Variants in GPC3 observed in about 807,000 individuals in gnomAD.
The protein encoded by GPC3 is glypican-3.
A neutral mutation model predicts 34.4 loss-of-function variants in GPC3; 3 were observed. That is an observed-to-expected ratio of 0.09 (90% CI 0.04 to 0.23). The LOEUF is 0.23. Ranked by LOEUF, GPC3 falls within the 10% of genes least tolerant of loss-of-function variation. GPC3 has a pLI of 1.00. For missense variants in GPC3, 351 were observed against 445.6 expected, an observed-to-expected ratio of 0.79 and a Z score of 1.91; for synonymous variants, 177 against 174.0, an observed-to-expected ratio of 1.02 and a Z score of -0.13.
Position 133,689,714 on chromosome X carries a change from GTGAA to G in GPC3, c.1292+2651_1292+2654del, listed in dbSNP as rs1239924255. Among the ~76,000 whole-genome samples the G allele has an allele frequency of 2.7e-5, 3 of 112,035 alleles. No individual in the cohort carries two copies. The East Asian group carries it at 8.3e-4, about 31-fold the overall frequency. ...CTCAAATATTTGTTAGAATGAATAC[GTGAA>G]TGAATGAACACATCAGTAAATAAAT... On this transcript the variant is annotated intron_variant, in intron 5 of 7. Coordinates refer to ENST00000370818, the MANE Select transcript of GPC3 (RefSeq NM_004484.4).
chrX:133,731,682 C>T (rs1045817140), intron 3 of GPC3, among the ~76,000 whole-genome samples: 6 of 112,227 alleles, frequency 5.3e-5, no homozygotes, highest in Non-Finnish European at 1.1e-4. Flanking sequence ...CACTTGATTA[C>T]TTTGCCATAT....
chrX:133,892,843 C>T (rs1372298296), intron 2 of GPC3, among the ~76,000 whole-genome samples: 1 of 111,355 alleles, frequency 9.0e-6, no homozygotes, highest in Non-Finnish European at 1.9e-5. Context: ...TAAGTAAAAG[C>T]CACAATCATA....
intron 2 of GPC3, among the ~76,000 whole-genome samples, chrX:133,814,663 G>C (rs2075681195): frequency 9.0e-6 from 1 of 110,648 alleles, no homozygotes; most frequent in South Asian, 3.9e-4. Flanking sequence ...CGCCTCCCAG[G>C]ACCAAGTGAT....
intron 7 of GPC3, among the ~76,000 whole-genome samples, chrX:133,562,319 A>G (rs911784498): frequency 9.0e-6 from 1 of 111,095 alleles, no homozygotes; most frequent in African/African-American, 3.3e-5. Flanking sequence ...TTTCCTGCTG[A>G]TTTTTCCCAA....
intron 2 of GPC3, among the ~76,000 whole-genome samples, chrX:133,857,591 C>T (rs1012128610): frequency 4.5e-4 from 50 of 111,421 alleles, no homozygotes; most frequent in African/African-American, 1.6e-3. Context: ...CTTTCTGGGC[C>T]CATTTCCTCA....
intron 5 of GPC3, among the ~76,000 whole-genome samples, chrX:133,672,950 GTTTGTT>G (rs751537076): frequency 1.1e-5 from 1 of 92,800 alleles, no homozygotes; most frequent in Non-Finnish European, 2.1e-5. Context: ...GCACCCGACT[GTTTGTT>G]TTTAAGATGG....
intron 2 of GPC3, among the ~76,000 whole-genome samples, chrX:133,796,106 G>A (rs4830274): frequency 0.072 from 7,838 of 109,006 alleles, 395 homozygotes; most frequent in Admixed American, 0.27. Context: ...CACCACGCCC[G>A]GCTAATTTTT....
At chrX:133,882,432 G>A (rs761008396) in intron 2 of GPC3, among the ~76,000 whole-genome samples, 1 of 111,597 alleles carries the variant, frequency 9.0e-6, no homozygotes, top group African/African-American at 3.3e-5. Flanking sequence ...ATGCTCTTTA[G>A]AAATAACCGT....
chrX:133,952,584 G>C (rs1312310872), intron 2 of GPC3, among the ~76,000 whole-genome samples: 1 of 112,217 alleles, frequency 8.9e-6, no homozygotes, highest in Non-Finnish European at 1.9e-5. Flanking sequence ...AAAGAGAGGA[G>C]AGGTCACCAC....
intron 2 of GPC3, 51 bp from the exon 3 acceptor site, chrX:133,754,227 T>C (rs768420581): frequency 2.1e-6 from 2 of 939,940 alleles, no homozygotes; most frequent in Non-Finnish European, 3.0e-6. Context: ...AATTAAAGCA[T>C]GAAAATCCAG....
chrX:133,945,828 C>A (rs1330167932), intron 2 of GPC3, among the ~76,000 whole-genome samples: 1 of 111,242 alleles, frequency 9.0e-6, no homozygotes, highest in Non-Finnish European at 1.9e-5. Context: ...CTACAGGGAC[C>A]CTGCACTTGC....
At chrX:133,826,870 A>G (rs971936808) in intron 2 of GPC3, among the ~76,000 whole-genome samples, 1 of 112,104 alleles carries the variant, frequency 8.9e-6, no homozygotes, top group African/African-American at 3.2e-5. Flanking sequence ...CATGAAGGCC[A>G]GAAGATGGTG....
chrX:133,943,675 G>A (rs934756548), intron 2 of GPC3, among the ~76,000 whole-genome samples: 3 of 112,266 alleles, frequency 2.7e-5, no homozygotes, highest in Non-Finnish European at 5.6e-5. Flanking sequence ...TTGTGAAAGG[G>A]TGGTAGGACA....
intron 2 of GPC3, among the ~76,000 whole-genome samples, chrX:133,870,868 C>G (rs1328792031): frequency 8.9e-6 from 1 of 112,149 alleles, no homozygotes; most frequent in Non-Finnish European, 1.9e-5. Flanking sequence ...AACCTCCATC[C>G]TTTTCCACCC....
chrX:133,718,777 C>G (rs1330610751), intron 3 of GPC3, among the ~76,000 whole-genome samples: 2 of 111,088 alleles, frequency 1.8e-5, no homozygotes, highest in Non-Finnish European at 3.8e-5. Flanking sequence ...CAACTAGAAT[C>G]AATAGACATC....
At chrX:133,926,454 G>C (rs188306068) in intron 2 of GPC3, among the ~76,000 whole-genome samples, 48 of 112,221 alleles carry the variant, frequency 4.3e-4, no homozygotes, top group Non-Finnish European at 8.1e-4. Context: ...TTTTTCTATA[G>C]AGTGATTTAT....
chrX:133,712,650 C>T (rs989225029), intron 3 of GPC3, among the ~76,000 whole-genome samples: 1 of 109,900 alleles, frequency 9.1e-6, no homozygotes, highest in Admixed American at 9.7e-5. Flanking sequence ...GAGGCTGAGG[C>T]GGGCGGATCA....
At chrX:133,661,579 T>C in intron 6 of GPC3, 151 bp downstream of exon 6, 3 of 10,322 alleles carry the variant, frequency 2.9e-4, no homozygotes, top group Non-Finnish European at 5.6e-4. Context: ...TCTCTCTCTC[T>C]CTCTCTCTCT....
Position 133,985,526 on chromosome X carries a change from G to A in GPC3, c.-77C>T, listed in dbSNP as rs1218451986. 2 of 980,836 alleles carry A rather than the reference G, an allele frequency of 2.0e-6. No homozygotes were observed. The highest frequency in any genetic ancestry group is 2.8e-6 in the Non-Finnish European group (2 of 709,619). 80.8% of individuals were successfully genotyped at this position (980,836 alleles called of 1,213,427 possible). A position where few individuals can be genotyped will look rare whatever the true frequency, so the allele number is the denominator to read the frequency against. On this transcript the variant is annotated 5_prime_UTR_variant, in exon 1 of 8. Transcript: ENST00000370818. Reference sequence around the variant, plus strand: ...AGCAGTCCCAGGACTCGGCAAGCCTGGCAGTGGCCCTGAGGAGCAAGAGAC... The same window carrying A: ...AGCAGTCCCAGGACTCGGCAAGCCTAGCAGTGGCCCTGAGGAGCAAGAGAC...
Sources: gnomAD v4.1 joint callset for allele counts (sites outside exome capture counted in the v4.1 genomes callset) on GRCh38, gnomAD v4.1.1 for gene constraint, MANE v1.5 for transcripts, NCBI Gene and HGNC (gene_info 2026-07-23, HGNC 2026-07-21) for gene names.